Variants in FOXN4 observed in about 807,000 individuals in gnomAD.
The protein encoded by FOXN4 is forkhead box N4.
FOXN4 carries 12 observed loss-of-function variants against 45.0 expected under a neutral mutation model. The observed-to-expected ratio is 0.27, with a 90% confidence interval of 0.17 to 0.43. The LOEUF (loss-of-function observed/expected upper bound fraction) is 0.43. FOXN4 is among the 20% of genes least tolerant of loss of function. The pLI is 1.00. For missense variants in FOXN4, 560 were observed against 694.9 expected (o/e 0.81, Z 2.18); for synonymous variants, 297 against 295.0 (o/e 1.01, Z -0.07).
At chr12:109,304,449 C>A (rs73190638) in intron 2 of FOXN4, among the ~76,000 whole-genome samples, 2 of 152,136 alleles carry the variant, frequency 1.3e-5, no homozygotes, top group Non-Finnish European at 1.5e-5. Flanking sequence ...CCTCCCACCC[C>A]CTGAGCTAGA....
Position 109,292,516 on chromosome 12 carries a change from C to T in FOXN4, c.87-2230G>A, listed in dbSNP as rs138849476. ...GCCTCAGTTTCTTATCTGTATAATG[C>T]GGATAACAATAGCTGTTATCGCATA... On this transcript the variant is annotated intron_variant, in intron 2 of 9. Coordinates refer to ENST00000299162, the MANE Select transcript of FOXN4 (RefSeq NM_213596.3). Among the ~76,000 whole-genome samples the T allele has an allele frequency of 1.3e-3, 204 of 152,210 alleles. 1 individual carries two copies. The highest frequency in any genetic ancestry group is 4.6e-3 in the African/African-American group (191 of 41,510).
chr12:109,295,775 G>C (rs2047811278), intron 2 of FOXN4, among the ~76,000 whole-genome samples: 1 of 152,184 alleles, frequency 6.6e-6, no homozygotes, highest in South Asian at 2.1e-4. Context: ...GATAGAGCAA[G>C]ATACTGTCTC....
intron 2 of FOXN4, among the ~76,000 whole-genome samples, chr12:109,303,609 G>A (rs1163873739): frequency 6.6e-6 from 1 of 152,216 alleles, no homozygotes; most frequent in Non-Finnish European, 1.5e-5. Context: ...ATTTTGGGAA[G>A]TGAACATCCA....
intron 2 of FOXN4, among the ~76,000 whole-genome samples, chr12:109,302,302 C>T (rs2047875664): frequency 6.6e-6 from 1 of 152,220 alleles, no homozygotes. Context: ...CTGGCAGGTG[C>T]CCACACAGGG....
intron 8 of FOXN4, 54 bp downstream of exon 8, chr12:109,285,247 GTGT>G: frequency 8.3e-7 from 1 of 1,210,648 alleles, no homozygotes; most frequent in Non-Finnish European, 1.1e-6. Flanking sequence ...CCTCTTCCGT[GTGT>G]GTGTGTGTGT....
chr12:109,285,466 G>T lies in FOXN4; in HGVS notation c.739C>A (p.Leu247Met), dbSNP rs1167906218. The T allele has an allele frequency of 6.2e-7, 1 of 1,614,106 alleles. No individual in the cohort carries two copies. Among genetic ancestry groups the T allele is most frequent in the Non-Finnish European group, 8.5e-7 (1 of 1,179,980 alleles). Residue 247 changes from leucine (L) to methionine (M), a missense_variant, in exon 8 of 10, where the codon CTG (leucine) becomes ATG (methionine). By Grantham distance (15) the Leu-to-Met change is conservative. This residue lies in a region of FOXN4 where 39 missense variants were observed against 81.7 expected (regional missense o/e 0.48). Coordinates refer to ENST00000299162, the MANE Select transcript of FOXN4 (RefSeq NM_213596.3). ...TCCACCTTCTCGAAGCACTTGTTCA[G>T]AGACAGGTTGTGCCGCACCGAGTTC... is the stretch of plus-strand genomic sequence containing the variant. The part of the protein sequence containing the change: ...WKNSVRHNLS[L>M]NKCFEKVENK...
intron 2 of FOXN4, among the ~76,000 whole-genome samples, chr12:109,305,961 C>T (rs1283279054): frequency 6.6e-6 from 1 of 152,052 alleles, no homozygotes; most frequent in Non-Finnish European, 1.5e-5. Flanking sequence ...GCTTGCCCCG[C>T]CCTGTTTTTG....
At chr12:109,300,407 G>A (rs769363943) in intron 2 of FOXN4, among the ~76,000 whole-genome samples, 26 of 152,102 alleles carry the variant, frequency 1.7e-4, no homozygotes, top group Non-Finnish European at 3.4e-4. Flanking sequence ...GAGCCTGTGG[G>A]GACAGCTACC....
chr12:109,304,276 AAAGAAAGAAAGAAAGAAAGG>A lies in FOXN4; in HGVS notation c.86+3940_86+3959del, dbSNP rs1566005643. Among the ~76,000 whole-genome samples the A allele has an allele frequency of 2.7e-5, 2 of 74,204 alleles. 1 individual carries two copies. The highest frequency in any genetic ancestry group is 5.9e-5 in the Non-Finnish European group (2 of 34,052). The allele number at this position is 74,204 out of a possible 152,430, so 48.7% of individuals were successfully genotyped here. ...GAAAGAAAGAAAGAAAGAAAGAAAG[AAAGAAAGAAAGAAAGAAAGG>A]AGAAAGAAAGAAGGAAAGAAGGAAA... On this transcript the variant is annotated intron_variant, in intron 2 of 9. Transcript: ENST00000299162.
rs2047739739 is a variant in FOXN4 at position 109,288,765 on chromosome 12, G to A, written c.233-585C>T. ...TCTATCACAGATTCTTACTGCTCTA[G>A]CCTGATTTTAGGCAGCCACCTCCAA... On this transcript the variant is annotated intron_variant, in intron 3 of 9. Coordinates refer to ENST00000299162, the MANE Select transcript of FOXN4 (RefSeq NM_213596.3). The surrounding 1 kb of genome is among the most constrained non-coding windows in gnomAD (Gnocchi z 4.3). Among the ~76,000 whole-genome samples, 1 of 152,190 alleles carries A rather than the reference G, an allele frequency of 6.6e-6. No individual in the cohort carries two copies. Among genetic ancestry groups the A allele is most frequent in the African/African-American group, 2.4e-5 (1 of 41,434 alleles).
chr12:109,286,554 CAA>C (rs1373569562), intron 7 of FOXN4, 92 bp downstream of exon 7: 8 of 1,248,602 alleles, frequency 6.4e-6, no homozygotes, highest in South Asian at 1.3e-5. Flanking sequence ...AACTGGGAAC[CAA>C]AGAGGGTTGG....
chr12:109,296,558 T>C (rs1342556197), intron 2 of FOXN4, among the ~76,000 whole-genome samples: 4 of 151,864 alleles, frequency 2.6e-5, no homozygotes, highest in African/African-American at 9.7e-5. Flanking sequence ...CCAGGGAGGG[T>C]AGGGGCTACA....
Position 109,279,361 on chromosome 12 carries a change from G to A in FOXN4, c.*310C>T, listed in dbSNP as rs1183647879. 4 of 428,664 alleles carry A rather than the reference G, an allele frequency of 9.3e-6. No homozygotes were observed. Among genetic ancestry groups the A allele is most frequent in the East Asian group, 8.8e-5 (2 of 22,692 alleles). 26.6% of individuals were successfully genotyped at this position (428,664 alleles called of 1,614,324 possible). On this transcript the variant is annotated 3_prime_UTR_variant, in exon 10 of 10. Coordinates refer to ENST00000299162, the MANE Select transcript of FOXN4 (RefSeq NM_213596.3). ...AGGATGGAGAAGTCTCACTCAACAC[G>A]GGCAGGCATTGCGGCTCAGGCCTCG...
At chr12:109,282,946 G>A (rs1441468336) in intron 8 of FOXN4, among the ~76,000 whole-genome samples, 1 of 143,792 alleles carries the variant, frequency 7.0e-6, no homozygotes, top group Non-Finnish European at 1.5e-5. Flanking sequence ...CTCTCGGTGG[G>A]GTGGGCGCGA....
chr12:109,304,295 G>A (rs1181499877), intron 2 of FOXN4, among the ~76,000 whole-genome samples: 2 of 40,014 alleles, frequency 5.0e-5, no homozygotes, highest in South Asian at 6.1e-4. Context: ...AAGAAAGAAA[G>A]GAGAAAGAAA....
intron 8 of FOXN4, among the ~76,000 whole-genome samples, chr12:109,283,410 T>G (rs2047671322): frequency 6.6e-6 from 1 of 152,176 alleles, no homozygotes; most frequent in Non-Finnish European, 1.5e-5. Context: ...ATATATGTAT[T>G]TTAAAATATG....
chr12:109,286,778 G>A (rs373562735), intron 6 of FOXN4, 34 bp from the exon 7 acceptor site: 4 of 1,572,948 alleles, frequency 2.5e-6, no homozygotes, highest in Middle Eastern at 1.7e-4. Context: ...GCAGGGCAGG[G>A]CAGGACAGGG....
intron 2 of FOXN4, among the ~76,000 whole-genome samples, chr12:109,301,656 G>A (rs2047869837): frequency 6.6e-6 from 1 of 152,226 alleles, no homozygotes; most frequent in Admixed American, 6.5e-5. Flanking sequence ...TCTCCTGCAA[G>A]AGGCCCTCCC....
At chr12:109,306,609 T>C (rs1365352786) in intron 2 of FOXN4, among the ~76,000 whole-genome samples, 2 of 152,182 alleles carry the variant, frequency 1.3e-5, no homozygotes, top group Non-Finnish European at 1.5e-5. Flanking sequence ...CATTTAACCC[T>C]CCAGAGCTAG....
Sources: gnomAD v4.1 joint callset for allele counts (sites outside exome capture counted in the v4.1 genomes callset) on GRCh38, gnomAD v4.1.1 for gene constraint, gnomAD v4.1.1 regional missense constraint, Gnocchi (gnomAD v3.1) non-coding constraint, MANE v1.5 for transcripts, NCBI Gene and HGNC (gene_info 2026-07-23, HGNC 2026-07-21) for gene names.